The following RAPGEF2 variants were observed in gnomAD, a reference collection of about 807,000 sequenced individuals.
RAPGEF2 encodes the protein PDZ domain containing guanine nucleotide exchange factor (GEF) 1.
In RAPGEF2, 54 loss-of-function variants were observed where a neutral mutation model predicts 186.7. That is an observed-to-expected ratio of 0.29 (90% confidence interval 0.23 to 0.36). The LOEUF (loss-of-function observed/expected upper bound fraction) is 0.36. RAPGEF2 is among the 10% of genes least tolerant of loss of function. RAPGEF2 has a pLI of 1.00. For synonymous variants in RAPGEF2, 712 were observed against 705.9 expected, an observed-to-expected ratio of 1.01 and a Z score of -0.14; for missense variants, 1,532 against 2,045.0, an observed-to-expected ratio of 0.75 and a Z score of 4.84.
intron 11 of RAPGEF2, among the ~76,000 whole-genome samples, chr4:159,326,288 T>C (rs1765911744): frequency 6.6e-6 from 1 of 152,176 alleles, no homozygotes; most frequent in East Asian, 1.9e-4. Flanking sequence ...AAAGAAACAG[T>C]GAGAACCATA....
At chr4:159,352,531 C>CT in intron 26 of RAPGEF2, 154 bp from the exon 27 acceptor site, 1 of 606,834 alleles carries the variant, frequency 1.6e-6, no homozygotes, top group South Asian at 2.1e-5. Context: ...ACATTTGTCT[C>CT]TTAGTCATGT....
At chr4:159,313,556 A>C (rs1443955233) in intron 8 of RAPGEF2, among the ~76,000 whole-genome samples, 2 of 152,124 alleles carry the variant, frequency 1.3e-5, no homozygotes, top group Non-Finnish European at 2.9e-5. Flanking sequence ...CTTTCTTTTA[A>C]AAAATATTTT....
intron 10 of RAPGEF2, 48 bp from the exon 11 acceptor site, chr4:159,323,411 T>C (rs1765499720): frequency 1.4e-6 from 2 of 1,466,028 alleles, no homozygotes; most frequent in African/African-American, 1.4e-5. Context: ...CTTACAGCTG[T>C]ATGATCATGA....
intron 19 of RAPGEF2, among the ~76,000 whole-genome samples, chr4:159,340,844 T>A (rs1039142676): frequency 6.6e-6 from 1 of 152,164 alleles, no homozygotes; most frequent in African/African-American, 2.4e-5. Context: ...CTTAATGCTA[T>A]TTTCAACAAA....
chr4:159,358,233 G>T lies in RAPGEF2; in HGVS notation c.*94G>T. 7.4e-7 allele frequency: 1 copy of T among 1,356,950 alleles called. No individual in the cohort carries two copies. Among genetic ancestry groups the T allele is most frequent in the Non-Finnish European group, 1.0e-6 (1 of 970,564 alleles). 84.1% of individuals were successfully genotyped at this position (1,356,950 alleles called of 1,614,324 possible). A position where few individuals can be genotyped will look rare whatever the true frequency, so the allele number is the denominator to read the frequency against. ...GGAGCCTTGGAACTCACATTCTGAG[G>T]ACGGTGGACCAGTTTGCCTCCTTCC... On this transcript the variant is annotated 3_prime_UTR_variant, in exon 30 of 30. Transcript: ENST00000691494.
rs186066857 is a variant in RAPGEF2, at chr4:159,332,827, A to G, written c.2135+130A>G. ...GTTTTTATGACTGAGCTATTTTGGA[A>G]GCAGTATTAAACAATCAAATTTGTT... On this transcript the variant is annotated intron_variant, in intron 17 of 29. Transcript: ENST00000691494. 1.0e-5 allele frequency: 12 copies of G among 1,146,460 alleles called. No homozygotes were observed. In the Admixed American group the frequency reaches 2.3e-4, roughly 22 times the overall value. 71.0% of individuals were successfully genotyped at this position (1,146,460 alleles called of 1,614,324 possible).
In RAPGEF2 at chr4:159,189,337, A is replaced by G. The variant is rs78734300; in HGVS notation, c.140+2625A>G. On this transcript the variant is annotated intron_variant, in intron 2 of 29. Transcript: ENST00000691494. The stretch of plus-strand genomic sequence containing the variant: ...GTAGACATTACTGTGTTGCTGTAAG[A>G]TCACACACTGTGCAATGTAAAGGTT... Among the ~76,000 whole-genome samples, 603 of 152,336 alleles carry G rather than the reference A, an allele frequency of 4.0e-3. 3 individuals carry two copies. Among genetic ancestry groups the G allele is most frequent in the African/African-American group, 0.012 (514 of 41,582 alleles).
In RAPGEF2 at chr4:159,210,542, T is replaced by C. The variant is rs1022857299; in HGVS notation, c.240T>C (p.Gly80=). The change falls in exon 4 of 30, where the codon GGT becomes GGC. Residue 80 remains glycine (G), a synonymous_variant. Transcript: ENST00000691494. ...IGTCWYILLS[G]SVFIKESMFL... is the part of the protein sequence containing the mutation. The stretch of plus-strand genomic sequence containing the variant: ...CCTGCTGGTATATCCTTCTTTCTGG[T>C]TCCGTGTTCATCAAGGAATCCATGT... 4.6e-6 allele frequency: 7 copies of C among 1,534,878 alleles called. No individual in the cohort carries two copies. In the African/African-American group the frequency reaches 6.8e-5, roughly 15 times the overall value.
intron 7 of RAPGEF2, chr4:159,268,087 A>C: frequency 6.3e-7 from 1 of 1,586,728 alleles, no homozygotes; most frequent in Non-Finnish European, 8.6e-7. Context: ...AATGCTGTAG[A>C]GGGTGACTTG....
chr4:159,351,924 T>C (rs1243443352), intron 26 of RAPGEF2, among the ~76,000 whole-genome samples: 1 of 152,202 alleles, frequency 6.6e-6, no homozygotes, highest in Non-Finnish European at 1.5e-5. Context: ...GCACTCCAGC[T>C]TGGGTGACAG....
At chr4:159,131,399 CG>C (rs1560994635) in intron 1 of RAPGEF2, among the ~76,000 whole-genome samples, 1 of 152,134 alleles carries the variant, frequency 6.6e-6, no homozygotes, top group Non-Finnish European at 1.5e-5. Context: ...CATGAGCCAC[CG>C]CGCCCAGCCT....
intron 1 of RAPGEF2, among the ~76,000 whole-genome samples, chr4:159,141,036 T>C (rs537435394): frequency 6.6e-6 from 1 of 152,174 alleles, no homozygotes; most frequent in Non-Finnish European, 1.5e-5. Context: ...TGAGTTCAAG[T>C]GATCCACCCA....
intron 1 of RAPGEF2, among the ~76,000 whole-genome samples, chr4:159,181,410 T>A (rs1370876118): frequency 6.6e-6 from 1 of 152,196 alleles, no homozygotes; most frequent in Non-Finnish European, 1.5e-5. Flanking sequence ...ATTTATTTGC[T>A]TGATGGTTAA....
chr4:159,261,297 T>C (rs567515058), intron 7 of RAPGEF2, among the ~76,000 whole-genome samples: 53 of 151,832 alleles, frequency 3.5e-4, no homozygotes, highest in South Asian at 1.3e-3. Context: ...CTCCTGACCT[T>C]GTGATTCGCC....
At chr4:159,283,446 T>C (rs1760005432) in intron 7 of RAPGEF2, among the ~76,000 whole-genome samples, 1 of 152,208 alleles carries the variant, frequency 6.6e-6, no homozygotes, top group South Asian at 2.1e-4. Flanking sequence ...AAAGCATGGT[T>C]TTTAGTTTTC....
intron 7 of RAPGEF2, among the ~76,000 whole-genome samples, chr4:159,281,212 G>C (rs1427059917): frequency 6.6e-6 from 1 of 151,860 alleles, no homozygotes; most frequent in South Asian, 2.1e-4. Flanking sequence ...AGATGGTCTC[G>C]CTCTTTTGAC....
chr4:159,332,857 T>G (rs529439317), intron 17 of RAPGEF2, 160 bp downstream of exon 17: 1 of 845,654 alleles, frequency 1.2e-6, no homozygotes, highest in East Asian at 2.9e-5. Context: ...TTTGTTTTAA[T>G]CTCGTTTTTG....
At chr4:159,309,870 G>C (rs1394578433) in intron 8 of RAPGEF2, among the ~76,000 whole-genome samples, 1 of 152,148 alleles carries the variant, frequency 6.6e-6, no homozygotes, top group Non-Finnish European at 1.5e-5. Context: ...AATCAATAAA[G>C]AAAGTGATGG....
At chr4:159,186,356 A>C (rs1019696761) in intron 1 of RAPGEF2, among the ~76,000 whole-genome samples, 3 of 152,086 alleles carry the variant, frequency 2.0e-5, no homozygotes, top group Non-Finnish European at 4.4e-5. Flanking sequence ...TTGATGTAAA[A>C]GGCAGAAACA....
Sources: gnomAD v4.1 joint callset for allele counts (sites outside exome capture counted in the v4.1 genomes callset) on GRCh38, gnomAD v4.1.1 for gene constraint, MANE v1.5 for transcripts, NCBI Gene and HGNC (gene_info 2026-07-23, HGNC 2026-07-21) for gene names.